KCNIP1: variants seen among roughly 807,000 people sequenced by gnomAD.
The protein encoded by KCNIP1 is A-type potassium channel modulatory protein KCNIP1.
KCNIP1 carries 18 observed loss-of-function variants against 33.0 expected under a neutral mutation model. The observed-to-expected ratio is 0.55, with a 90% CI of 0.38 to 0.81. The LOEUF (loss-of-function observed/expected upper bound fraction) is 0.81, where lower values mean the gene tolerates loss of function less well. Among genes scored for constraint, KCNIP1 ranks in the 30% least tolerant of loss-of-function variants. The pLI is 0.00. For missense variants in KCNIP1, 238 were observed against 271.6 expected, an observed-to-expected ratio of 0.88 and a Z score of 0.87; for synonymous variants, 93 against 98.3, an observed-to-expected ratio of 0.95 and a Z score of 0.32.
chr5:170,501,520 C>G (rs1307456939), upstream of KCNIP1, among the ~76,000 whole-genome samples: 1 of 152,226 alleles, frequency 6.6e-6, no homozygotes, highest in Non-Finnish European at 1.5e-5. Context: ...CAGCCAATTG[C>G]AAACACGTCC....
chr5:170,555,702 GT>G (rs1224928646), intron 1 of KCNIP1, among the ~76,000 whole-genome samples: 6 of 152,098 alleles, frequency 3.9e-5, no homozygotes, highest in Non-Finnish European at 8.8e-5. Context: ...CTTTAAGGAG[GT>G]TACCCTCATC....
At chr5:170,373,512 A>AAAGGCC (rs1298348597) in intron 1 of KCNIP1, among the ~76,000 whole-genome samples, 1 of 152,252 alleles carries the variant, frequency 6.6e-6, no homozygotes, top group Non-Finnish European at 1.5e-5. Context: ...AGAGATTAGA[A>AAAGGCC]CTAAGAATGG....
At chr5:170,582,253 T>A (rs1296745025) in intron 1 of KCNIP1, among the ~76,000 whole-genome samples, 2 of 152,222 alleles carry the variant, frequency 1.3e-5, no homozygotes, top group African/African-American at 2.4e-5. Context: ...GTAGATAGTT[T>A]GAATGACAGT....
At chr5:170,585,287 G>A (rs28523671) in intron 1 of KCNIP1, among the ~76,000 whole-genome samples, 24,797 of 152,084 alleles carry the variant, frequency 0.16, 2,143 homozygotes, top group African/African-American at 0.24. Flanking sequence ...TTTTTCAGAG[G>A]GGGGGATCTG....
chr5:170,556,896 A>G (rs1397642983), intron 1 of KCNIP1, among the ~76,000 whole-genome samples: 1 of 152,208 alleles, frequency 6.6e-6, no homozygotes, highest in Non-Finnish European at 1.5e-5. Context: ...CTGGATTCCA[A>G]TTGTGGATGT....
intron 1 of KCNIP1, among the ~76,000 whole-genome samples, chr5:170,705,108 A>G (rs1763215150): frequency 6.6e-6 from 1 of 152,256 alleles, no homozygotes; most frequent in Non-Finnish European, 1.5e-5. Context: ...TGCACATAAA[A>G]TATGCCCAAT....
intron 1 of KCNIP1, among the ~76,000 whole-genome samples, chr5:170,441,335 C>T (rs888238579): frequency 1.3e-5 from 2 of 152,156 alleles, no homozygotes; most frequent in Non-Finnish European, 2.9e-5. Context: ...GATAACAGGG[C>T]TAGCTCCAGG....
chr5:170,672,559 A>G (rs995372207), intron 1 of KCNIP1, among the ~76,000 whole-genome samples: 6 of 152,268 alleles, frequency 3.9e-5, no homozygotes, highest in Non-Finnish European at 7.3e-5. Context: ...AAGATTAAGC[A>G]GTGTAATCAG....
At chr5:170,393,331 A>G (rs1754664507) in intron 1 of KCNIP1, among the ~76,000 whole-genome samples, 1 of 152,212 alleles carries the variant, frequency 6.6e-6, no homozygotes, top group Non-Finnish European at 1.5e-5. Flanking sequence ...CACTTGGGAT[A>G]ATAAGTCCCA....
chr5:170,443,430 G>A (rs962897679), intron 1 of KCNIP1, among the ~76,000 whole-genome samples: 8 of 152,180 alleles, frequency 5.3e-5, no homozygotes, highest in African/African-American at 1.9e-4. Flanking sequence ...AAGAAAGCAG[G>A]GCTGGCCTCA....
At chr5:170,696,259 AT>A (rs1427385018) in intron 1 of KCNIP1, among the ~76,000 whole-genome samples, 4 of 152,046 alleles carry the variant, frequency 2.6e-5, no homozygotes, top group African/African-American at 9.7e-5. Flanking sequence ...TGATGCCAGT[AT>A]TTGTTTATTG....
chr5:170,388,805 G>T (rs1764590897), intron 1 of KCNIP1, among the ~76,000 whole-genome samples: 1 of 152,204 alleles, frequency 6.6e-6, no homozygotes, highest in African/African-American at 2.4e-5. Context: ...TTCAGCTAAA[G>T]ATCAAATGCC....
At chr5:170,360,604 T>C (rs1763482300) in intron 1 of KCNIP1, among the ~76,000 whole-genome samples, 2 of 152,204 alleles carry the variant, frequency 1.3e-5, no homozygotes, top group South Asian at 2.1e-4. Flanking sequence ...CCAGCTCCTA[T>C]CCAGATGTGC....
At chr5:170,691,500 A>G (rs1185653992) in intron 1 of KCNIP1, among the ~76,000 whole-genome samples, 1 of 152,206 alleles carries the variant, frequency 6.6e-6, no homozygotes, top group Non-Finnish European at 1.5e-5. Context: ...TAGTTTCCTC[A>G]TCTATAAAGT....
intron 1 of KCNIP1, among the ~76,000 whole-genome samples, chr5:170,439,367 C>A (rs773708632): frequency 9.9e-5 from 15 of 152,210 alleles, no homozygotes; most frequent in Non-Finnish European, 2.2e-4. Context: ...GGCAGGCAGG[C>A]ACAAGTGAGG....
intron 5 of KCNIP1, among the ~76,000 whole-genome samples, chr5:170,726,682 T>C (rs907481593): frequency 2.0e-5 from 3 of 149,074 alleles, no homozygotes; most frequent in African/African-American, 7.4e-5. Flanking sequence ...GGCGGATCAC[T>C]TGAGCTCAGG....
At chr5:170,601,946 C>A (rs1479078711) in intron 1 of KCNIP1, among the ~76,000 whole-genome samples, 1 of 152,096 alleles carries the variant, frequency 6.6e-6, no homozygotes, top group African/African-American at 2.4e-5. Context: ...TGCCAGAAAC[C>A]GAGATGGTGC....
intron 1 of KCNIP1, among the ~76,000 whole-genome samples, chr5:170,370,313 T>C (rs1763811302): frequency 3.9e-5 from 6 of 152,200 alleles, no homozygotes; most frequent in Admixed American, 3.3e-4. Context: ...ACATTCATGA[T>C]TGATGATACA....
At chr5:170,473,403 AT>A (rs2113141916) in intron 1 of KCNIP1, among the ~76,000 whole-genome samples, 1 of 152,334 alleles carries the variant, frequency 6.6e-6, no homozygotes, top group Non-Finnish European at 1.5e-5. Flanking sequence ...AAACTGAGGC[AT>A]AGGGAGGCAA....
Sources: gnomAD v4.1 joint callset for allele counts (sites outside exome capture counted in the v4.1 genomes callset) on GRCh38, gnomAD v4.1.1 for gene constraint, MANE v1.5 for transcripts, NCBI Gene and HGNC (gene_info 2026-07-23, HGNC 2026-07-21) for gene names.